The following TBC1D19 variants were observed in gnomAD, a reference collection of about 807,000 sequenced individuals.
The protein encoded by TBC1D19 is TBC1 domain family member 19.
A neutral mutation model predicts 89.0 loss-of-function variants in TBC1D19; 60 were observed. That is an observed-to-expected ratio of 0.67 (90% confidence interval 0.55 to 0.84). The LOEUF (loss-of-function observed/expected upper bound fraction) is 0.84, where lower values mean the gene tolerates loss of function less well. TBC1D19 is among the 40% of genes least tolerant of loss of function. The pLI is 0.00. For missense variants in TBC1D19, 500 were observed against 610.8 expected (o/e 0.82, Z 1.91); for synonymous variants, 189 against 199.7 (o/e 0.95, Z 0.45).
intron 7 of TBC1D19, among the ~76,000 whole-genome samples, chr4:26,651,117 A>C (rs1201309449): frequency 6.6e-6 from 1 of 152,162 alleles, no homozygotes; most frequent in Non-Finnish European, 1.5e-5. Context: ...TGGTTACTGT[A>C]GCCTTGTAGT....
chr4:26,670,682 A>C (rs1712218474), intron 9 of TBC1D19, among the ~76,000 whole-genome samples: 1 of 151,766 alleles, frequency 6.6e-6, no homozygotes, highest in Admixed American at 6.6e-5. Context: ...ACCGAGAAAC[A>C]GAATATTACC....
intron 11 of TBC1D19, among the ~76,000 whole-genome samples, chr4:26,676,684 A>G (rs927148788): frequency 6.7e-6 from 1 of 149,582 alleles, no homozygotes; most frequent in Non-Finnish European, 1.5e-5. Context: ...GCGCCACTGC[A>G]CTCCAGCCTG....
chr4:26,802,617 A>G, the TBC1D19 span, among the ~76,000 whole-genome samples: 1 of 152,298 alleles, frequency 6.6e-6, no homozygotes, highest in East Asian at 1.9e-4. Flanking sequence ...CAAACAAACA[A>G]AAACAAAAGT....
intron 8 of TBC1D19, among the ~76,000 whole-genome samples, chr4:26,664,483 T>C (rs1577900952): frequency 6.6e-6 from 1 of 152,248 alleles, no homozygotes; most frequent in East Asian, 1.9e-4. Context: ...GTATGAAGAT[T>C]AAGGTTATTT....
downstream of TBC1D19, among the ~76,000 whole-genome samples, chr4:26,759,804 C>G (rs1719399533): frequency 6.6e-6 from 1 of 152,308 alleles, no homozygotes; most frequent in South Asian, 2.1e-4. Context: ...TTCCTTTTTA[C>G]TACTGCCTAG....
chr4:26,851,358 T>A, the TBC1D19 span, among the ~76,000 whole-genome samples: 5 of 148,020 alleles, frequency 3.4e-5, no homozygotes, highest in South Asian at 2.2e-4. Flanking sequence ...TCTATCTATC[T>A]ATCATCTATC....
At position 26,652,235 on chromosome 4, in the gene TBC1D19, G is replaced by A. The variant is rs1036635714; in HGVS notation, c.481-7362G>A. Among the ~76,000 whole-genome samples the A allele has an allele frequency of 6.6e-5, 10 of 151,528 alleles. No individual in the cohort carries two copies. In the East Asian group the frequency reaches 2.0e-3, roughly 31 times the overall value. On this transcript the variant is annotated intron_variant, in intron 7 of 20. Coordinates refer to ENST00000264866, the MANE Select transcript of TBC1D19 (RefSeq NM_018317.4). The stretch of plus-strand genomic sequence containing the variant: ...GGATGATACTGGCCTTATAAAATGA[G>A]TTAGGGAGGATTCCCTCTTTTTCTA...
At chr4:26,618,377 G>C (rs1468758010) in intron 3 of TBC1D19, among the ~76,000 whole-genome samples, 2 of 152,210 alleles carry the variant, frequency 1.3e-5, no homozygotes, top group African/African-American at 2.4e-5. Flanking sequence ...TCAGGGGAAA[G>C]AGTAGAGAAG....
chr4:26,709,141 ATTG>A (rs1715969885), intron 13 of TBC1D19, among the ~76,000 whole-genome samples: 1 of 151,726 alleles, frequency 6.6e-6, no homozygotes, highest in Admixed American at 6.6e-5. Context: ...TGTTGTTGTT[ATTG>A]TTTTAGTTTT....
intron 6 of TBC1D19, 46 bp downstream of exon 6, chr4:26,638,880 C>A: frequency 1.5e-6 from 2 of 1,374,524 alleles, no homozygotes; most frequent in Non-Finnish European, 2.0e-6. Flanking sequence ...AAAATAATTG[C>A]CTTCTTAACT....
chr4:26,840,627 C>T, the TBC1D19 span, among the ~76,000 whole-genome samples: 2 of 152,140 alleles, frequency 1.3e-5, no homozygotes, highest in Admixed American at 1.3e-4. Context: ...TCTATTTTCT[C>T]CTCCTCGTGG....
the TBC1D19 span, among the ~76,000 whole-genome samples, chr4:26,783,432 T>C: frequency 1.3e-5 from 2 of 152,228 alleles, no homozygotes; most frequent in Admixed American, 6.5e-5. Context: ...AAACACCTAT[T>C]GAAATGAATG....
At chr4:26,676,733 A>G (rs1027321644) in intron 11 of TBC1D19, among the ~76,000 whole-genome samples, 1 of 151,692 alleles carries the variant, frequency 6.6e-6, no homozygotes, top group African/African-American at 2.4e-5. Context: ...AAAAAAAAAA[A>G]GAAATGTCTA....
At chr4:26,660,973 A>G (rs1745188270) in intron 8 of TBC1D19, among the ~76,000 whole-genome samples, 1 of 152,226 alleles carries the variant, frequency 6.6e-6, no homozygotes, top group African/African-American at 2.4e-5. Context: ...TGCAAGAAGC[A>G]ATATGATTTT....
chr4:26,635,834 G>A (rs1211626526), intron 4 of TBC1D19, among the ~76,000 whole-genome samples: 1 of 152,052 alleles, frequency 6.6e-6, no homozygotes, highest in Non-Finnish European at 1.5e-5. Context: ...GGATATTTAA[G>A]CTGATACCTA....
intron 7 of TBC1D19, among the ~76,000 whole-genome samples, chr4:26,657,585 C>T (rs1744944563): frequency 6.6e-6 from 1 of 152,106 alleles, no homozygotes. Flanking sequence ...ATTTATAATC[C>T]TTTGGGTATA....
At chr4:26,706,259 G>T (rs897880486) in intron 13 of TBC1D19, among the ~76,000 whole-genome samples, 1 of 152,120 alleles carries the variant, frequency 6.6e-6, no homozygotes, top group Non-Finnish European at 1.5e-5. Context: ...AGTCTTGGTT[G>T]ACTTTGTGTT....
the TBC1D19 span, among the ~76,000 whole-genome samples, chr4:26,811,738 T>A: frequency 7.9e-5 from 12 of 152,230 alleles, no homozygotes; most frequent in Non-Finnish European, 1.2e-4. Flanking sequence ...TATTCATGTG[T>A]CCCATTTTTA....
At chr4:26,673,679 C>G in intron 10 of TBC1D19, 97 bp from the exon 11 acceptor site, 1 of 794,600 alleles carries the variant, frequency 1.3e-6, no homozygotes, top group Admixed American at 2.1e-5. Flanking sequence ...GATAGAAAGA[C>G]TGAATATCAG....
Sources: allele counts gnomAD v4.1 joint callset (sites outside exome capture counted in the v4.1 genomes callset), GRCh38; gene constraint gnomAD v4.1.1; transcripts MANE v1.5; gene names NCBI Gene and HGNC (gene_info 2026-07-23, HGNC 2026-07-21).